Variants in FAM114A1 observed in about 807,000 individuals in gnomAD.
FAM114A1 encodes the protein family with sequence similarity 114 member A1, also known as protein NOXP20.
A neutral mutation model predicts 64.3 loss-of-function variants in FAM114A1; 62 were observed. The ratio of observed to expected loss-of-function variants is 0.96; its 90% confidence interval spans 0.79 to 1.19. The LOEUF (loss-of-function observed/expected upper bound fraction) is 1.19. Among genes scored for constraint, FAM114A1 ranks in the 50% most tolerant of loss-of-function variants. The pLI, the probability that FAM114A1 is intolerant of heterozygous loss-of-function variation, is 0.00. For synonymous variants in FAM114A1, 254 were observed against 251.1 expected (o/e 1.01, Z -0.11); for missense variants, 645 against 676.3 (o/e 0.95, Z 0.51).
intron 13 of FAM114A1, among the ~76,000 whole-genome samples, chr4:38,940,680 C>A (rs543898525): frequency 1.3e-5 from 2 of 152,304 alleles, no homozygotes; most frequent in African/African-American, 4.8e-5. Context: ...GTTTCAATTT[C>A]TAGCTATGTG....
chr4:38,932,649 A>G (rs1008328438), intron 12 of FAM114A1, among the ~76,000 whole-genome samples: 1 of 151,958 alleles, frequency 6.6e-6, no homozygotes, highest in Non-Finnish European at 1.5e-5. Context: ...GGTGCGTGCC[A>G]CCACATCCAG....
intron 8 of FAM114A1, among the ~76,000 whole-genome samples, chr4:38,919,026 C>T (rs538907929): frequency 1.3e-5 from 2 of 151,960 alleles, no homozygotes; most frequent in South Asian, 2.1e-4. Flanking sequence ...GATGGCACAT[C>T]CCTGTAATCT....
chr4:38,905,324 G>A (rs549798062), intron 4 of FAM114A1, among the ~76,000 whole-genome samples, 198 bp from the exon 5 acceptor site: 16 of 152,084 alleles, frequency 1.1e-4, no homozygotes, highest in African/African-American at 3.4e-4. Flanking sequence ...ACTTGAACTC[G>A]GGAGGCGGAG....
In FAM114A1 at chr4:38,932,857, A is replaced by ATT. The variant is rs34761547; in HGVS notation, c.1463+497_1463+498dup. On this transcript the variant is annotated intron_variant, in intron 12 of 14. Transcript: ENST00000358869. The stretch of plus-strand genomic sequence containing the variant: ...TCTACGGTCATCTTAAGAAATAAGG[A>ATT]TTTTTTTTTTTTTTTGAGACAGAGT... Among the ~76,000 whole-genome samples the ATT allele has an allele frequency of 4.7e-3, 679 of 142,948 alleles. 5 individuals carry two copies. The highest frequency in any genetic ancestry group is 0.015 in the African/African-American group (570 of 38,442). The allele number at this position is 142,948 out of a possible 152,430, so 93.8% of individuals were successfully genotyped here. A position where few individuals can be genotyped will look rare whatever the true frequency, so the allele number is the denominator to read the frequency against.
chr4:38,895,794 G>C (rs1462648989), intron 4 of FAM114A1, among the ~76,000 whole-genome samples: 1 of 152,220 alleles, frequency 6.6e-6, no homozygotes, highest in Non-Finnish European at 1.5e-5. Context: ...ACATAGGACA[G>C]CTTATTACTG....
At chr4:38,917,808 T>C (rs1382569623) in intron 8 of FAM114A1, among the ~76,000 whole-genome samples, 2 of 152,194 alleles carry the variant, frequency 1.3e-5, no homozygotes, top group African/African-American at 4.8e-5. Context: ...AGTTTGCCCA[T>C]TGCCTCCACA....
At chr4:38,919,234 A>G (rs991656058) in intron 8 of FAM114A1, among the ~76,000 whole-genome samples, 1 of 152,204 alleles carries the variant, frequency 6.6e-6, no homozygotes, top group Non-Finnish European at 1.5e-5. Flanking sequence ...TAACTTGACA[A>G]ACATACTTGT....
chr4:38,907,497 T>A (rs1191137530), intron 6 of FAM114A1, among the ~76,000 whole-genome samples: 1 of 152,158 alleles, frequency 6.6e-6, no homozygotes, highest in Non-Finnish European at 1.5e-5. Flanking sequence ...AAATAATTTT[T>A]CATAGGATGT....
At position 38,905,835 on chromosome 4, in the gene FAM114A1, G is replaced by C; in HGVS notation, c.631G>C (p.Ala211Pro). ...PSSASRGMLSAITNVVQNTGK... is the reference protein window; with the variant it reads ...PSSASRGMLSPITNVVQNTGK... ...ATCAGCCTCTCGGGGTATGCTGTCTGCCATCACCAATGTGGTTCAAAACAC... is the reference window on the plus strand; with the variant it reads ...ATCAGCCTCTCGGGGTATGCTGTCTCCCATCACCAATGTGGTTCAAAACAC... Residue 211 changes from alanine (A) to proline (P), a missense_variant, in exon 6 of 15, where the codon GCC (alanine) becomes CCC (proline). Coordinates refer to ENST00000358869, the MANE Select transcript of FAM114A1 (RefSeq NM_138389.4). 1 of 1,613,874 alleles carries C rather than the reference G, an allele frequency of 6.2e-7. No homozygotes were observed. The highest frequency in any genetic ancestry group is 1.1e-5 in the South Asian group (1 of 91,070).
intron 14 of FAM114A1, among the ~76,000 whole-genome samples, chr4:38,942,408 GA>G (rs983442465): frequency 6.6e-6 from 1 of 152,120 alleles, no homozygotes; most frequent in African/African-American, 2.4e-5. Context: ...GGTCTTGGAG[GA>G]ACAGACATAG....
intron 3 of FAM114A1, among the ~76,000 whole-genome samples, chr4:38,882,329 A>C (rs1256585694): frequency 6.9e-6 from 1 of 145,714 alleles, no homozygotes; most frequent in African/African-American, 2.6e-5. Context: ...AAAAAAAAAA[A>C]AAAAAAAAAA....
At chr4:38,891,245 C>A (rs1376897295) in intron 3 of FAM114A1, among the ~76,000 whole-genome samples, 1 of 152,188 alleles carries the variant, frequency 6.6e-6, no homozygotes, top group Non-Finnish European at 1.5e-5. Flanking sequence ...ACTGCCCATC[C>A]ATCGCCAGGT....
At chr4:38,893,947 G>C (rs1327811123) in intron 4 of FAM114A1, among the ~76,000 whole-genome samples, 1 of 152,090 alleles carries the variant, frequency 6.6e-6, no homozygotes, top group Non-Finnish European at 1.5e-5. Flanking sequence ...TGGATCATTT[G>C]AGGTCAGGAG....
At chr4:38,921,673 C>T (rs944406301) in intron 8 of FAM114A1, among the ~76,000 whole-genome samples, 5 of 152,216 alleles carry the variant, frequency 3.3e-5, no homozygotes, top group African/African-American at 1.2e-4. Context: ...GAAGCCCTCC[C>T]TGTGTGTACC....
rs151321205 is a variant in FAM114A1 at position 38,873,646 on chromosome 4, G to C, written c.-8-4425G>C. Among the ~76,000 whole-genome samples the C allele has an allele frequency of 4.8e-3, 731 of 152,250 alleles. 2 individuals are homozygous for C. Among genetic ancestry groups the C allele is most frequent in the Non-Finnish European group, 7.4e-3 (505 of 68,026 alleles). On this transcript the variant is annotated intron_variant, in intron 2 of 14. Coordinates refer to ENST00000358869, the MANE Select transcript of FAM114A1 (RefSeq NM_138389.4). Reference sequence around the variant, plus strand: ...TGGAGGAACAAAGAATGGAGGAGGCGGTTATTTTAACTGGGTCTTCAATGT... The same window carrying C: ...TGGAGGAACAAAGAATGGAGGAGGCCGTTATTTTAACTGGGTCTTCAATGT...
intron 3 of FAM114A1, 108 bp from the exon 4 acceptor site, chr4:38,891,635 T>C: frequency 1.1e-6 from 1 of 888,156 alleles, no homozygotes; most frequent in Non-Finnish European, 1.7e-6. Flanking sequence ...TTAGATACGG[T>C]TGTTGGTGAT....
chr4:38,922,530 T>C (rs1338897288), intron 8 of FAM114A1, among the ~76,000 whole-genome samples: 1 of 152,212 alleles, frequency 6.6e-6, no homozygotes, highest in African/African-American at 2.4e-5. Flanking sequence ...GTATTTCACA[T>C]TTTGTATCTC....
At chr4:38,905,399 T>TAA in intron 4 of FAM114A1, 123 bp from the exon 5 acceptor site, 3 of 736,370 alleles carry the variant, frequency 4.1e-6, no homozygotes, top group African/African-American at 3.7e-5. Context: ...ACTCCATCTT[T>TAA]TAAAAAAAAA....
chr4:38,905,296 G>C lies in FAM114A1; in HGVS notation c.437-226G>C, dbSNP rs1178271953. 5.3e-5 allele frequency among the ~76,000 whole-genome samples: 8 copies of C among 152,202 alleles called. No homozygotes were observed. In the East Asian group the frequency reaches 1.5e-3, roughly 29 times the overall value. On this transcript the variant is annotated intron_variant, in intron 4 of 14. Transcript: ENST00000358869. Reference sequence around the variant, plus strand: ...CATCTGTAATCCCAGCTGCTAGGGAGGCTGAGGCAGGAGAATCACTTGAAC... The same window carrying C: ...CATCTGTAATCCCAGCTGCTAGGGACGCTGAGGCAGGAGAATCACTTGAAC...
Sources: gnomAD v4.1 joint callset for allele counts (sites outside exome capture counted in the v4.1 genomes callset) on GRCh38, gnomAD v4.1.1 for gene constraint, MANE v1.5 for transcripts, NCBI Gene and HGNC (gene_info 2026-07-23, HGNC 2026-07-21) for gene names.